TTL: variants seen among roughly 807,000 people sequenced by gnomAD.
TTL encodes tubulin tyrosine ligase.
Under a neutral mutation model 41.1 loss-of-function variants are expected in TTL, and 10 were observed. That is an observed-to-expected ratio of 0.24 (90% CI 0.15 to 0.41). The LOEUF is 0.41. Among genes scored for constraint, TTL ranks in the 10% least tolerant of loss-of-function variants. The pLI is 1.00. For synonymous variants in TTL, 175 were observed against 175.5 expected, an observed-to-expected ratio of 1.00 and a Z score of 0.02; for missense variants, 367 against 460.4, an observed-to-expected ratio of 0.80 and a Z score of 1.86.
In TTL at chr2:112,482,525, CT is replaced by C. The variant is rs1681118451; in HGVS notation, c.157+25del. The C allele has an allele frequency of 5.7e-6, 9 of 1,576,700 alleles. No homozygotes were observed. Among genetic ancestry groups the C allele is most frequent in the Non-Finnish European group, 7.8e-6 (9 of 1,159,530 alleles). The stretch of plus-strand genomic sequence containing the variant: ...GGGTGAGCCCCTCCCCGATTCCCGT[CT>C]GCCCTCCTCGGAGCGGCCCTGCGCG... On this transcript the variant is annotated intron_variant, in intron 1 of 6. Transcript: ENST00000233336. The surrounding 1 kb of genome is among the most constrained non-coding windows in gnomAD (Gnocchi z 5.3).
At position 112,517,543 on chromosome 2, in the gene TTL, C is replaced by G. The variant is rs534072558; in HGVS notation, c.876-2739C>G. Among the ~76,000 whole-genome samples, 4 of 151,880 alleles carry G rather than the reference C, an allele frequency of 2.6e-5. No individual in the cohort carries two copies. In the East Asian group the frequency reaches 7.8e-4, roughly 29 times the overall value. ...GGATTACGGGCATGAGCCACTGTGT[C>G]CAGCCCCCATTTTATATTTTAGTAT... On this transcript the variant is annotated intron_variant, in intron 5 of 6. Transcript: ENST00000233336.
At chr2:112,485,199 C>T (rs965216152) in intron 1 of TTL, among the ~76,000 whole-genome samples, 2 of 152,164 alleles carry the variant, frequency 1.3e-5, no homozygotes, top group Non-Finnish European at 2.9e-5. Flanking sequence ...ACTTACCCAC[C>T]TCAGCCTCCC....
chr2:112,494,182 A>G lies in TTL; in HGVS notation c.276A>G (p.Thr92=), dbSNP rs554657376. The G allele has an allele frequency of 4.3e-6, 7 of 1,614,192 alleles. No individual in the cohort carries two copies. The East Asian group carries it at 6.7e-5, about 15-fold the overall frequency. The change falls in exon 3 of 7, where the codon ACA becomes ACG. Residue 92 remains threonine, a synonymous_variant. Transcript: ENST00000233336. ...GCCCTGAACTGGCTGAGTCCTGCACATGGTTCCCTGAATCTTATGTGATTT... is the reference window on the plus strand; with the variant it reads ...GCCCTGAACTGGCTGAGTCCTGCACGTGGTTCCCTGAATCTTATGTGATTT... The part of the protein sequence containing the change: ...KTSPELAESC[T]WFPESYVIYP...
At chr2:112,500,244 T>G (rs1681653164) in intron 3 of TTL, among the ~76,000 whole-genome samples, 1 of 150,086 alleles carries the variant, frequency 6.7e-6, no homozygotes, top group South Asian at 2.1e-4. Flanking sequence ...GGTACAAGAG[T>G]TTTTTTGGGG....
chr2:112,535,417 T>C lies in TTL; in HGVS notation c.*6622T>C, dbSNP rs1682581066. 1 of 152,164 alleles carries C rather than the reference T, an allele frequency of 6.6e-6. No homozygotes were observed. The highest frequency in any genetic ancestry group is 2.4e-5 in the African/African-American group (1 of 41,436). 9.4% of individuals were successfully genotyped at this position (152,164 alleles called of 1,614,324 possible). On this transcript the variant is annotated 3_prime_UTR_variant, in exon 7 of 7. Coordinates refer to ENST00000233336, the MANE Select transcript of TTL (RefSeq NM_153712.5). ...CTGGAAGAAATAGTGGCCAAAACCT[T>C]TCCCACTTTGAGGAAAAACATTAAA...
chr2:112,486,638 A>T (rs1453240573), intron 2 of TTL, among the ~76,000 whole-genome samples: 2 of 152,176 alleles, frequency 1.3e-5, no homozygotes, highest in Non-Finnish European at 2.9e-5. Context: ...CACAAAGTGG[A>T]AGGAGACGGT....
chr2:112,498,542 A>T (rs554374515), intron 3 of TTL, among the ~76,000 whole-genome samples: 1 of 152,204 alleles, frequency 6.6e-6, no homozygotes, highest in Admixed American at 6.5e-5. Flanking sequence ...AAACTGGTCT[A>T]TAGGTTTATG....
chr2:112,513,236 AAAACC>A (rs1681971582), intron 5 of TTL, among the ~76,000 whole-genome samples: 1 of 152,160 alleles, frequency 6.6e-6, no homozygotes, highest in South Asian at 2.1e-4. Context: ...TTTAAACTAT[AAAACC>A]AAACTCTATA....
chr2:112,528,902 C>A lies in TTL; in HGVS notation c.*107C>A. On this transcript the variant is annotated 3_prime_UTR_variant, in exon 7 of 7. Coordinates refer to ENST00000233336, the MANE Select transcript of TTL (RefSeq NM_153712.5). Reference sequence around the variant, plus strand: ...CAGCCCACAGCAGGGGAAAGAAAGGCAACTCGCAAAGATGAGATGGAAGAA... The same window carrying A: ...CAGCCCACAGCAGGGGAAAGAAAGGAAACTCGCAAAGATGAGATGGAAGAA... 2 of 926,186 alleles carry A rather than the reference C, an allele frequency of 2.2e-6. No homozygotes were observed. The highest frequency in any genetic ancestry group is 3.5e-6 in the Non-Finnish European group (2 of 579,026). 57.4% of individuals were successfully genotyped at this position (926,186 alleles called of 1,614,324 possible). A position where few individuals can be genotyped will look rare whatever the true frequency, so the allele number is the denominator to read the frequency against.
rs899240139 is a variant in TTL at position 112,482,612 on chromosome 2, G to A, written c.157+111G>A. The A allele has an allele frequency of 2.3e-5, 27 of 1,196,594 alleles. No individual in the cohort carries two copies. The highest frequency in any genetic ancestry group is 3.0e-5 in the Non-Finnish European group (27 of 889,954). 74.1% of individuals were successfully genotyped at this position (1,196,594 alleles called of 1,614,324 possible). A position where few individuals can be genotyped will look rare whatever the true frequency, so the allele number is the denominator to read the frequency against. ...TTAAAGGTCATACATTTTCTCCTCT[G>A]TCGCTTGTCGGGCACATCAGAAACG... On this transcript the variant is annotated intron_variant, in intron 1 of 6. Coordinates refer to ENST00000233336, the MANE Select transcript of TTL (RefSeq NM_153712.5). The surrounding 1 kb of genome is among the most constrained non-coding windows in gnomAD (Gnocchi z 5.3).
rs779671160 is a variant in TTL, at chr2:112,540,405, C to G, written c.*11610C>G. Reference sequence around the variant, plus strand: ...TGCACTCCATCCTCAGCAACAAGAGCAAAACTCTGTCTCAAAAAAACAAAA... The same window carrying G: ...TGCACTCCATCCTCAGCAACAAGAGGAAAACTCTGTCTCAAAAAAACAAAA... On this transcript the variant is annotated 3_prime_UTR_variant, in exon 7 of 7. Transcript: ENST00000233336. 2.3e-5 allele frequency: 3 copies of G among 128,096 alleles called. No homozygotes were observed. Among genetic ancestry groups the G allele is most frequent in the Non-Finnish European group, 4.7e-5 (3 of 63,766 alleles). 7.9% of individuals were successfully genotyped at this position (128,096 alleles called of 1,614,324 possible).
rs935388498 is a variant in TTL, at chr2:112,534,648, T to A, written c.*5853T>A. ...ACAACCTTTTCCCTGGGTGCATTTGTCAAAAAAAATCAACAGCAATTGTTG... is the reference window on the plus strand; with the variant it reads ...ACAACCTTTTCCCTGGGTGCATTTGACAAAAAAAATCAACAGCAATTGTTG... On this transcript the variant is annotated 3_prime_UTR_variant, in exon 7 of 7. Coordinates refer to ENST00000233336, the MANE Select transcript of TTL (RefSeq NM_153712.5). 1 of 152,044 alleles carries A rather than the reference T, an allele frequency of 6.6e-6. No homozygotes were observed. Among genetic ancestry groups the A allele is most frequent in the Non-Finnish European group, 1.5e-5 (1 of 67,994 alleles). 9.4% of individuals were successfully genotyped at this position (152,044 alleles called of 1,614,324 possible).
intron 2 of TTL, among the ~76,000 whole-genome samples, chr2:112,492,752 G>A (rs1211699468): frequency 6.6e-6 from 1 of 151,564 alleles, no homozygotes; most frequent in Admixed American, 6.6e-5. Context: ...TTTGCTGGGT[G>A]TGGTCACGGG....
At chr2:112,486,101 A>C in intron 2 of TTL, 106 bp downstream of exon 2, 1 of 1,166,886 alleles carries the variant, frequency 8.6e-7, no homozygotes. Context: ...AAAAGCCAAC[A>C]AATATCAGTT....
chr2:112,507,737 T>C (rs1004758024), intron 5 of TTL, among the ~76,000 whole-genome samples: 2 of 150,860 alleles, frequency 1.3e-5, no homozygotes, highest in Non-Finnish European at 2.9e-5. Flanking sequence ...GTTTCCTGAA[T>C]ACAGCACACT....
At position 112,540,679 on chromosome 2, in the gene TTL, T is replaced by TG. The variant is rs1445628763; in HGVS notation, c.*11885dup. On this transcript the variant is annotated 3_prime_UTR_variant, in exon 7 of 7. Coordinates refer to ENST00000233336, the MANE Select transcript of TTL (RefSeq NM_153712.5). ...GAACTGAGAGTCAAAAATAAACCCT[T>TG]GCATCTATAGTGAACTGATTTTCGA... is the stretch of plus-strand genomic sequence containing the variant. 6.6e-6 allele frequency: 1 copy of TG among 152,212 alleles called. No homozygotes were observed. The highest frequency in any genetic ancestry group is 1.5e-5 in the Non-Finnish European group (1 of 68,040). The allele number at this position is 152,212 out of a possible 1,614,324, so 9.4% of individuals were successfully genotyped here. A position where few individuals can be genotyped will look rare whatever the true frequency, so the allele number is the denominator to read the frequency against.
chr2:112,485,890 CT>C, intron 1 of TTL, 26 bp from the exon 2 acceptor site: 1 of 1,578,542 alleles, frequency 6.3e-7, no homozygotes, highest in Non-Finnish European at 8.5e-7. Context: ...TCCTGTGTCC[CT>C]TCTGAGCCTC....
intron 3 of TTL, among the ~76,000 whole-genome samples, chr2:112,499,958 C>CA (rs1210123386): frequency 1.3e-5 from 2 of 152,122 alleles, no homozygotes; most frequent in African/African-American, 4.8e-5. Context: ...TCATAAGAGG[C>CA]AGACAAGAAT....
chr2:112,486,947 C>G (rs547557379), intron 2 of TTL, among the ~76,000 whole-genome samples: 25 of 152,070 alleles, frequency 1.6e-4, no homozygotes, highest in African/African-American at 5.3e-4. Flanking sequence ...GAATTGTGCC[C>G]GTCTTGTTGT....
Sources: gnomAD v4.1 joint callset for allele counts (sites outside exome capture counted in the v4.1 genomes callset) on GRCh38, gnomAD v4.1.1 for gene constraint, Gnocchi (gnomAD v3.1) non-coding constraint, MANE v1.5 for transcripts, NCBI Gene and HGNC (gene_info 2026-07-23, HGNC 2026-07-21) for gene names.